Variants in GAS7 observed in about 807,000 individuals in gnomAD.
GAS7 encodes growth arrest specific 7.
A neutral mutation model predicts 71.1 loss-of-function variants in GAS7; 28 were observed. The ratio of observed to expected loss-of-function variants is 0.39; its 90% CI spans 0.29 to 0.54. The LOEUF (loss-of-function observed/expected upper bound fraction) is 0.54, where lower values mean the gene tolerates loss of function less well. GAS7 is among the 20% of genes least tolerant of loss of function. The pLI is 0.62. For synonymous variants in GAS7, 258 were observed against 245.8 expected (o/e 1.05, Z -0.46); for missense variants, 436 against 627.8 (o/e 0.69, Z 3.27).
chr17:9,963,129 G>A (rs1389234900), intron 4 of GAS7, among the ~76,000 whole-genome samples: 3 of 151,804 alleles, frequency 2.0e-5, no homozygotes, highest in Non-Finnish European at 2.9e-5. Flanking sequence ...CTATCCATAC[G>A]ACAGAATATT....
chr17:10,039,447 T>C (rs140740631), intron 1 of GAS7, among the ~76,000 whole-genome samples: 8,029 of 151,782 alleles, frequency 0.053, 587 homozygotes, highest in African/African-American at 0.16. Context: ...TTTGGAAGGC[T>C]GAGGTAGGTG....
At chr17:10,091,849 GT>G (rs1471844764) in intron 1 of GAS7, among the ~76,000 whole-genome samples, 1 of 151,904 alleles carries the variant, frequency 6.6e-6, no homozygotes, top group African/African-American at 2.4e-5. Flanking sequence ...ATCTGGCTAA[GT>G]TTTGTAATTT....
chr17:10,171,882 A>G (rs1302670471), intron 1 of GAS7, among the ~76,000 whole-genome samples: 1 of 152,194 alleles, frequency 6.6e-6, no homozygotes, highest in African/African-American at 2.4e-5. Context: ...TAAACAAGTG[A>G]CGTTTCAACA....
intron 2 of GAS7, among the ~76,000 whole-genome samples, chr17:10,010,704 G>T (rs2071737418): frequency 1.3e-5 from 2 of 152,144 alleles, no homozygotes; most frequent in African/African-American, 4.8e-5. Context: ...ACTTCCGTTA[G>T]CCTACAGTTG....
chr17:10,073,048 A>C (rs1312714647), intron 1 of GAS7, among the ~76,000 whole-genome samples: 2 of 152,142 alleles, frequency 1.3e-5, no homozygotes, highest in East Asian at 3.9e-4. Flanking sequence ...CCGGCCCAGG[A>C]CCAGAGTGAC....
At chr17:10,018,196 T>A (rs1285187993) in intron 2 of GAS7, among the ~76,000 whole-genome samples, 1 of 152,226 alleles carries the variant, frequency 6.6e-6, no homozygotes, top group Non-Finnish European at 1.5e-5. Flanking sequence ...CGGGGATTAT[T>A]TTTTATTTGA....
intron 2 of GAS7, among the ~76,000 whole-genome samples, chr17:9,983,155 A>G (rs1357112401): frequency 2.6e-5 from 4 of 152,074 alleles, no homozygotes; most frequent in African/African-American, 9.7e-5. Context: ...AGACAAAATC[A>G]AACTATAGAT....
chr17:10,197,627 CG>C (rs2142161423), intron 1 of GAS7, among the ~76,000 whole-genome samples: 1 of 152,170 alleles, frequency 6.6e-6, no homozygotes, highest in South Asian at 2.1e-4. Flanking sequence ...CAGGCAGTGG[CG>C]GGGGGTGCTA....
At chr17:10,158,892 T>C (rs1430192611) in intron 1 of GAS7, among the ~76,000 whole-genome samples, 1 of 150,874 alleles carries the variant, frequency 6.6e-6, no homozygotes, top group African/African-American at 2.4e-5. Context: ...TCATCTCTTC[T>C]AAAAAATACA....
chr17:10,134,513 G>A (rs73974422), intron 1 of GAS7, among the ~76,000 whole-genome samples: 1,600 of 152,192 alleles, frequency 0.011, 19 homozygotes, highest in African/African-American at 0.036. Flanking sequence ...CCTGTTTTCC[G>A]TAATAGCTGA....
intron 1 of GAS7, among the ~76,000 whole-genome samples, chr17:10,196,431 G>T (rs2074541088): frequency 6.6e-6 from 1 of 152,184 alleles, no homozygotes; most frequent in African/African-American, 2.4e-5. Context: ...GGATGCTTCT[G>T]TTGCAAGTTA....
At chr17:10,136,523 A>C (rs1299037473) in intron 1 of GAS7, among the ~76,000 whole-genome samples, 1 of 152,144 alleles carries the variant, frequency 6.6e-6, no homozygotes, top group Non-Finnish European at 1.5e-5. Context: ...CAAAGATGAG[A>C]TCTTCAATGC....
At chr17:10,062,495 T>A (rs28539756) in intron 1 of GAS7, among the ~76,000 whole-genome samples, 18,200 of 151,968 alleles carry the variant, frequency 0.12, 1,301 homozygotes, top group East Asian at 0.19. Context: ...AAAAATAAAA[T>A]AAAATAGAAA....
intron 1 of GAS7, among the ~76,000 whole-genome samples, chr17:10,108,375 A>T (rs1391430690): frequency 6.6e-6 from 1 of 152,224 alleles, no homozygotes; most frequent in Non-Finnish European, 1.5e-5. Flanking sequence ...ATTCTTTAGC[A>T]TGGAAATCCA....
chr17:10,037,906 T>G (rs2072786197), intron 1 of GAS7, among the ~76,000 whole-genome samples: 1 of 151,542 alleles, frequency 6.6e-6, no homozygotes, highest in African/African-American at 2.4e-5. Context: ...ACAGCCCAAT[T>G]TAAAAAAATG....
At chr17:9,956,230 T>G (rs748424810) in intron 5 of GAS7, among the ~76,000 whole-genome samples, 13 of 151,876 alleles carry the variant, frequency 8.6e-5, no homozygotes, top group Non-Finnish European at 5.9e-5. Context: ...CAACTGAGGG[T>G]TCAAGTCCAA....
chr17:10,193,535 A>G (rs1386884347), intron 1 of GAS7, among the ~76,000 whole-genome samples: 1 of 152,152 alleles, frequency 6.6e-6, no homozygotes, highest in African/African-American at 2.4e-5. Context: ...TACTTTCCCA[A>G]TAGAATGTGG....
At chr17:10,065,020 C>T (rs2073266553) in intron 1 of GAS7, among the ~76,000 whole-genome samples, 1 of 151,994 alleles carries the variant, frequency 6.6e-6, no homozygotes, top group African/African-American at 2.4e-5. Context: ...GGGGGTCTCA[C>T]TACGTTGCTG....
intron 2 of GAS7, among the ~76,000 whole-genome samples, chr17:9,997,253 C>CGGGGGG (rs371944232): frequency 2.7e-5 from 1 of 37,160 alleles, no homozygotes; most frequent in African/African-American, 6.4e-5. Context: ...CGGGTGGGGG[C>CGGGGGG]GGGGGCGGTG....
Sources: allele counts gnomAD v4.1 joint callset (sites outside exome capture counted in the v4.1 genomes callset), GRCh38; gene constraint gnomAD v4.1.1; transcripts MANE v1.5; gene names NCBI Gene and HGNC (gene_info 2026-07-23, HGNC 2026-07-21).